CNTNAP2: variants seen among roughly 807,000 people sequenced by gnomAD.
CNTNAP2 encodes contactin associated protein 2, also known as contactin-associated protein-like 2.
CNTNAP2 carries 98 observed loss-of-function variants against 155.2 expected under a neutral mutation model. That is an observed-to-expected ratio of 0.63 (90% confidence interval 0.54 to 0.75). The LOEUF (loss-of-function observed/expected upper bound fraction) is 0.75. Among genes scored for constraint, CNTNAP2 ranks in the 30% least tolerant of loss-of-function variants. The pLI, the probability that CNTNAP2 is intolerant of heterozygous loss-of-function variation, is 0.00. For synonymous variants in CNTNAP2, 651 were observed against 631.2 expected, an observed-to-expected ratio of 1.03 and a Z score of -0.47; for missense variants, 1,727 against 1,688.1, an observed-to-expected ratio of 1.02 and a Z score of -0.40.
chr7:146,818,823 C>T (rs1585105424), intron 2 of CNTNAP2, among the ~76,000 whole-genome samples: 1 of 151,544 alleles, frequency 6.6e-6, no homozygotes, highest in Non-Finnish European at 1.5e-5. Context: ...ATCACAAAAG[C>T]TAAAAAGAGA....
chr7:147,518,703 C>A (rs2116702704), intron 11 of CNTNAP2, among the ~76,000 whole-genome samples: 1 of 152,236 alleles, frequency 6.6e-6, no homozygotes, highest in African/African-American at 2.4e-5. Context: ...TGCTATCACG[C>A]CCCTCACTGT....
intron 13 of CNTNAP2, among the ~76,000 whole-genome samples, chr7:147,867,057 C>G (rs563467743): frequency 1.3e-5 from 2 of 152,172 alleles, no homozygotes; most frequent in East Asian, 3.9e-4. Context: ...TGGTCTTTAC[C>G]ACTTGGCATG....
intron 10 of CNTNAP2, among the ~76,000 whole-genome samples, chr7:147,430,760 A>G (rs183479039): frequency 6.6e-6 from 1 of 152,262 alleles, no homozygotes. Flanking sequence ...AACTCAGAGT[A>G]GGTAAGATAC....
At chr7:146,428,067 T>C (rs565128606) in intron 1 of CNTNAP2, among the ~76,000 whole-genome samples, 110 of 152,336 alleles carry the variant, frequency 7.2e-4, no homozygotes, top group Admixed American at 1.2e-3. Flanking sequence ...GCAAAGGACA[T>C]AGTCTCGTTC....
intron 12 of CNTNAP2, among the ~76,000 whole-genome samples, chr7:147,630,316 T>TAAAAAAAAAAAAAAAAAAAAAAAGAAAA (rs1795063293): frequency 8.2e-5 from 6 of 73,066 alleles, no homozygotes; most frequent in Admixed American, 1.4e-4. Flanking sequence ...GAAACAGTAG[T>TAAAAAAAAAAAAAAAAAAAAAAAGAAAA]AAAAAAAAAA....
intron 8 of CNTNAP2, among the ~76,000 whole-genome samples, chr7:147,133,881 T>A (rs1289874191): frequency 6.6e-6 from 1 of 152,090 alleles, no homozygotes; most frequent in Non-Finnish European, 1.5e-5. Flanking sequence ...TGCTTTTTCC[T>A]TGAATGTCTA....
intron 13 of CNTNAP2, among the ~76,000 whole-genome samples, chr7:147,703,719 G>T (rs932205879): frequency 6.6e-6 from 1 of 152,114 alleles, no homozygotes. Context: ...AACATTTCAA[G>T]TTCTCTCTTC....
At chr7:146,669,961 A>C (rs1028282492) in intron 1 of CNTNAP2, among the ~76,000 whole-genome samples, 1 of 152,266 alleles carries the variant, frequency 6.6e-6, no homozygotes, top group African/African-American at 2.4e-5. Context: ...AGAGCAATCA[A>C]ATTTTGTAAT....
At chr7:146,773,161 G>C (rs1011056542) in intron 1 of CNTNAP2, among the ~76,000 whole-genome samples, 2 of 151,980 alleles carry the variant, frequency 1.3e-5, no homozygotes, top group Non-Finnish European at 2.9e-5. Context: ...TTGGCAAAAT[G>C]AGAAAGATCC....
chr7:148,217,212 C>T (rs1795655409), intron 18 of CNTNAP2, 76 bp from the exon 19 acceptor site: 1 of 1,449,230 alleles, frequency 6.9e-7, no homozygotes, highest in Non-Finnish European at 9.7e-7. Context: ...ACTCCATGAA[C>T]TGCTGGAGAG....
chr7:148,153,656 A>C (rs909993754), intron 17 of CNTNAP2, among the ~76,000 whole-genome samples: 3 of 152,218 alleles, frequency 2.0e-5, no homozygotes, highest in African/African-American at 7.2e-5. Flanking sequence ...AAGCATGAAC[A>C]ATGCCAGGCT....
At chr7:147,159,491 T>A (rs1412716896) in intron 8 of CNTNAP2, among the ~76,000 whole-genome samples, 4 of 152,134 alleles carry the variant, frequency 2.6e-5, no homozygotes, top group Non-Finnish European at 5.9e-5. Context: ...TTGGATGCAA[T>A]CTTTTAAGAA....
chr7:146,514,809 T>C (rs1013111998), intron 1 of CNTNAP2, among the ~76,000 whole-genome samples: 5 of 152,144 alleles, frequency 3.3e-5, no homozygotes, highest in Admixed American at 2.0e-4. Flanking sequence ...TGGTTATTTA[T>C]TGTAGTCTTT....
At chr7:147,838,339 C>T (rs866709588) in intron 13 of CNTNAP2, among the ~76,000 whole-genome samples, 4 of 152,144 alleles carry the variant, frequency 2.6e-5, no homozygotes, top group African/African-American at 4.8e-5. Flanking sequence ...GTGAATAACT[C>T]GGCTCCTCAT....
At chr7:148,078,507 T>A (rs529007630) in intron 15 of CNTNAP2, among the ~76,000 whole-genome samples, 21 of 151,416 alleles carry the variant, frequency 1.4e-4, no homozygotes, top group African/African-American at 4.6e-4. Flanking sequence ...TTAGGCCGAG[T>A]TTCATTTTTG....
At chr7:147,332,905 A>G (rs935072185) in intron 9 of CNTNAP2, among the ~76,000 whole-genome samples, 1 of 152,042 alleles carries the variant, frequency 6.6e-6, no homozygotes, top group African/African-American at 2.4e-5. Context: ...GTTGGTTTCT[A>G]TTTATTTATA....
intron 3 of CNTNAP2, among the ~76,000 whole-genome samples, chr7:146,872,493 A>C: frequency 6.6e-6 from 1 of 152,184 alleles, no homozygotes; most frequent in Admixed American, 6.6e-5. Flanking sequence ...GTCAGCTGAA[A>C]GACCTACAAA....
intron 1 of CNTNAP2, among the ~76,000 whole-genome samples, chr7:146,548,246 C>T (rs1798059680): frequency 6.6e-6 from 1 of 151,974 alleles, no homozygotes; most frequent in African/African-American, 2.4e-5. Context: ...TGTTAATTTG[C>T]TAAGGATAAT....
At chr7:146,762,472 G>T (rs1353597200) in intron 1 of CNTNAP2, among the ~76,000 whole-genome samples, 1 of 152,094 alleles carries the variant, frequency 6.6e-6, no homozygotes, top group Non-Finnish European at 1.5e-5. Flanking sequence ...GGTGGCACAT[G>T]ACTGTAATCC....
Sources: allele counts gnomAD v4.1 joint callset (sites outside exome capture counted in the v4.1 genomes callset), GRCh38; gene constraint gnomAD v4.1.1; transcripts MANE v1.5; gene names NCBI Gene and HGNC (gene_info 2026-07-23, HGNC 2026-07-21).